The following ARHGAP25 variants were observed in gnomAD, a reference collection of about 807,000 sequenced individuals.
ARHGAP25 encodes rho GTPase-activating protein 25.
In ARHGAP25, 34 loss-of-function variants were observed where a neutral mutation model predicts 71.0. The observed-to-expected ratio is 0.48, with a 90% CI of 0.36 to 0.64. The LOEUF is 0.64. Among genes scored for constraint, ARHGAP25 ranks in the 30% least tolerant of loss-of-function variants. The pLI, the probability that ARHGAP25 is intolerant of heterozygous loss-of-function variation, is 0.00. For synonymous variants in ARHGAP25, 282 were observed against 296.5 expected (o/e 0.95, Z 0.50); for missense variants, 706 against 805.1 (o/e 0.88, Z 1.49).
intron 1 of ARHGAP25, among the ~76,000 whole-genome samples, chr2:68,752,250 G>A (rs1676221692): frequency 6.6e-6 from 1 of 152,200 alleles, no homozygotes; most frequent in Non-Finnish European, 1.5e-5. Flanking sequence ...ATCAGCTATG[G>A]AAATTGTGGA....
intron 4 of ARHGAP25, among the ~76,000 whole-genome samples, chr2:68,802,958 T>C (rs1329231499): frequency 2.2e-5 from 3 of 139,230 alleles, no homozygotes; most frequent in African/African-American, 5.0e-5. Flanking sequence ...TGTATATATA[T>C]ACACACACAT....
intron 1 of ARHGAP25, among the ~76,000 whole-genome samples, chr2:68,747,289 C>G (rs1458530095): frequency 6.6e-6 from 1 of 152,146 alleles, no homozygotes; most frequent in East Asian, 1.9e-4. Flanking sequence ...TCTACCAGAT[C>G]TCTTAACAAT....
At chr2:68,720,790 C>G (rs1308533341) in intron 2 of ARHGAP25, among the ~76,000 whole-genome samples, 1 of 152,168 alleles carries the variant, frequency 6.6e-6, no homozygotes, top group African/African-American at 2.4e-5. Flanking sequence ...CTAAGCTGAT[C>G]AAACTGCATG....
At chr2:68,750,391 T>G (rs775140151) in intron 1 of ARHGAP25, among the ~76,000 whole-genome samples, 11 of 149,628 alleles carry the variant, frequency 7.4e-5, no homozygotes, top group Non-Finnish European at 1.3e-4. Flanking sequence ...GACATGATCT[T>G]GGCTCACTGC....
At chr2:68,755,708 T>G (rs1676441666) in intron 1 of ARHGAP25, among the ~76,000 whole-genome samples, 1 of 152,252 alleles carries the variant, frequency 6.6e-6, no homozygotes, top group African/African-American at 2.4e-5. Context: ...TGATTTTAAG[T>G]TGGCTTGTTT....
At chr2:68,745,945 G>T (rs1046092433) in intron 1 of ARHGAP25, among the ~76,000 whole-genome samples, 12 of 152,154 alleles carry the variant, frequency 7.9e-5, no homozygotes, top group Non-Finnish European at 1.8e-4. Context: ...GCAGAAGAGG[G>T]TGAACCCACT....
chr2:68,753,354 G>T lies in ARHGAP25; in HGVS notation c.61+18094G>T, dbSNP rs536847184. Among the ~76,000 whole-genome samples the T allele has an allele frequency of 5.3e-5, 8 of 152,308 alleles. No homozygotes were observed. In the East Asian group the frequency reaches 1.5e-3, roughly 29 times the overall value. ...TTCCACAAGAGAACTCCTGTGCAGG[G>T]TCTTTAACCACACCAACTTGCCCAG... On this transcript the variant is annotated intron_variant, in intron 1 of 10. Coordinates refer to ENST00000409202, the MANE Select transcript of ARHGAP25 (RefSeq NM_001007231.3).
intron 4 of ARHGAP25, among the ~76,000 whole-genome samples, chr2:68,788,727 A>C (rs78151587): frequency 6.6e-6 from 1 of 152,186 alleles, no homozygotes; most frequent in African/African-American, 2.4e-5. Flanking sequence ...TTTTCCTTCA[A>C]CTTTTTAGGA....
At chr2:68,736,225 A>G (rs1282101839) in intron 1 of ARHGAP25, among the ~76,000 whole-genome samples, 1 of 152,230 alleles carries the variant, frequency 6.6e-6, no homozygotes, top group African/African-American at 2.4e-5. Context: ...CAAGCGGAGC[A>G]TTAATGATGT....
In ARHGAP25 at chr2:68,735,182, A is replaced by T. The variant is rs752523366; in HGVS notation, c.-18A>T. 5.6e-6 allele frequency: 9 copies of T among 1,610,646 alleles called. No homozygotes were observed. Among genetic ancestry groups the T allele is most frequent in the Non-Finnish European group, 7.6e-6 (9 of 1,176,798 alleles). On this transcript the variant is annotated 5_prime_UTR_variant, in exon 1 of 11. Transcript: ENST00000409202. ...AGACTCACCGCTTCACTAACTACTC[A>T]CTTAAACTGGAAGCAAAATGTCCCT...
intron 5 of ARHGAP25, among the ~76,000 whole-genome samples, chr2:68,811,470 C>T (rs1414689600): frequency 6.6e-6 from 1 of 152,174 alleles, no homozygotes; most frequent in African/African-American, 2.4e-5. Flanking sequence ...TTTTTCTAGC[C>T]TGGCTTTGCC....
intron 5 of ARHGAP25, among the ~76,000 whole-genome samples, chr2:68,808,557 T>G (rs1390515307): frequency 1.3e-5 from 2 of 152,054 alleles, no homozygotes; most frequent in Non-Finnish European, 2.9e-5. Flanking sequence ...TTCCCATGGG[T>G]GCTATATTTT....
intron 2 of ARHGAP25, among the ~76,000 whole-genome samples, chr2:68,724,712 CA>C (rs199769785): frequency 6.6e-6 from 1 of 152,204 alleles, no homozygotes; most frequent in South Asian, 2.1e-4. Context: ...TGGCCTAATG[CA>C]GGCCTATCTC....
chr2:68,770,255 G>C (rs1399950254), intron 1 of ARHGAP25, among the ~76,000 whole-genome samples: 4 of 152,214 alleles, frequency 2.6e-5, no homozygotes, highest in African/African-American at 9.7e-5. Context: ...AGGTGTGTTA[G>C]GAAGCTGGAT....
chr2:68,726,647 A>G (rs1443545312), intron 2 of ARHGAP25, among the ~76,000 whole-genome samples: 1 of 152,348 alleles, frequency 6.6e-6, no homozygotes. Flanking sequence ...CTTAGAAAAA[A>G]TAAAGATCAA....
intron 9 of ARHGAP25, among the ~76,000 whole-genome samples, chr2:68,822,035 G>C (rs1336810204): frequency 1.3e-5 from 2 of 150,810 alleles, no homozygotes; most frequent in Non-Finnish European, 2.9e-5. Context: ...ACGGCTTCTG[G>C]GTTTTCAGTC....
intron 2 of ARHGAP25, among the ~76,000 whole-genome samples, chr2:68,778,261 C>T (rs1288118295): frequency 1.3e-5 from 2 of 151,858 alleles, no homozygotes; most frequent in Non-Finnish European, 2.9e-5. Flanking sequence ...ATTGATGCTC[C>T]TAATTAATAC....
intron 1 of ARHGAP25, among the ~76,000 whole-genome samples, chr2:68,747,176 T>G (rs765124228): frequency 1.3e-5 from 2 of 152,096 alleles, no homozygotes; most frequent in Non-Finnish European, 2.9e-5. Context: ...AGGCATTTTC[T>G]CCTTGAAAAA....
chr2:68,738,650 T>A (rs979026707), intron 1 of ARHGAP25, among the ~76,000 whole-genome samples: 4 of 151,538 alleles, frequency 2.6e-5, no homozygotes, highest in Non-Finnish European at 5.9e-5. Flanking sequence ...GCAAGTAGAG[T>A]CACTGCTAAA....
Sources: gnomAD v4.1 joint callset for allele counts (sites outside exome capture counted in the v4.1 genomes callset) on GRCh38, gnomAD v4.1.1 for gene constraint, MANE v1.5 for transcripts, NCBI Gene and HGNC (gene_info 2026-07-23, HGNC 2026-07-21) for gene names.